The following TRIM5 variants were observed in gnomAD, a reference collection of about 807,000 sequenced individuals.
TRIM5 encodes tripartite motif-containing protein 5.
A neutral mutation model predicts 35.6 loss-of-function variants in TRIM5; 31 were observed. That is an observed-to-expected ratio of 0.87 (90% CI 0.65 to 1.18). The LOEUF is 1.18. TRIM5 is among the 50% of genes most tolerant of loss of function. The pLI, the probability that TRIM5 is intolerant of heterozygous loss-of-function variation, is 0.00. For missense variants in TRIM5, 609 were observed against 591.6 expected, an observed-to-expected ratio of 1.03 and a Z score of -0.31; for synonymous variants, 243 against 215.6, an observed-to-expected ratio of 1.13 and a Z score of -1.11.
chr11:5,634,082 AC>A, the TRIM5 span, among the ~76,000 whole-genome samples: 1 of 152,218 alleles, frequency 6.6e-6, no homozygotes, highest in Non-Finnish European at 1.5e-5. Flanking sequence ...AATTACACAT[AC>A]ATACCTGGAA....
the TRIM5 span, chr11:5,604,867 C>T: frequency 4.2e-6 from 2 of 474,558 alleles, no homozygotes; most frequent in Non-Finnish European, 7.4e-6. Flanking sequence ...GGCTAGGGGT[C>T]GCCCCAATTC....
the TRIM5 span, among the ~76,000 whole-genome samples, chr11:5,650,127 C>A: frequency 6.6e-6 from 1 of 152,122 alleles, no homozygotes; most frequent in Non-Finnish European, 1.5e-5. Context: ...CTTGGAGAAA[C>A]GTTGTGTGTA....
At chr11:5,611,514 C>T in the TRIM5 span, 13 of 618,052 alleles carry the variant, frequency 2.1e-5, no homozygotes, top group East Asian at 8.5e-5. Context: ...AGTGCACTGG[C>T]GCAATCTCGG....
chr11:5,596,365 G>A, the TRIM5 span, among the ~76,000 whole-genome samples: 2 of 152,162 alleles, frequency 1.3e-5, no homozygotes, highest in Non-Finnish European at 2.9e-5. Context: ...TTGCAGCTGG[G>A]AATAGGCCGT....
intron 4 of TRIM5, among the ~76,000 whole-genome samples, chr11:5,675,162 G>A (rs996654709): frequency 6.6e-6 from 1 of 151,734 alleles, no homozygotes; most frequent in Admixed American, 6.6e-5. Context: ...CCAAGTAGCT[G>A]GGATTACAGG....
chr11:5,588,645 C>T, the TRIM5 span, among the ~76,000 whole-genome samples: 932 of 137,362 alleles, frequency 6.8e-3, 5 homozygotes, highest in African/African-American at 0.024. Context: ...TTTCTTTATA[C>T]TAATTTTATT....
In TRIM5 at chr11:5,679,807, C is replaced by A; in HGVS notation, c.371G>T (p.Arg124Leu). Residue 124 changes from arginine to leucine, a missense_variant, in exon 2 of 8, where the codon CGT becomes CTT. Coordinates refer to ENST00000380034, the MANE Select transcript of TRIM5 (RefSeq NM_033034.3). ...CTCTGTGAGGAACGTGTGGTGACCA[C>A]GGTGCTCCTGAGACCGCTCACAAAG... ...CWLCERSQEHRGHHTFLTEEV... is the reference protein window; with the variant it reads ...CWLCERSQEHLGHHTFLTEEV... 1 of 1,611,314 alleles carries A rather than the reference C, an allele frequency of 6.2e-7. No homozygotes were observed. Among genetic ancestry groups the A allele is most frequent in the Non-Finnish European group, 8.5e-7 (1 of 1,178,586 alleles).
the TRIM5 span, among the ~76,000 whole-genome samples, chr11:5,608,621 A>G: frequency 6.6e-6 from 1 of 151,990 alleles, no homozygotes; most frequent in African/African-American, 2.4e-5. Context: ...CAGTACTGTT[A>G]TTTAGAATAA....
chr11:5,641,242 A>G, the TRIM5 span: 1 of 1,612,830 alleles, frequency 6.2e-7, no homozygotes, highest in Non-Finnish European at 8.5e-7. Context: ...AAGTGTTTGT[A>G]GCTATTAGAG....
At chr11:5,650,394 G>A in the TRIM5 span, among the ~76,000 whole-genome samples, 1,091 of 152,284 alleles carry the variant, frequency 7.2e-3, 9 homozygotes, top group African/African-American at 0.025. Flanking sequence ...TTTCCTTCAA[G>A]GGGTACTTCA....
the TRIM5 span, among the ~76,000 whole-genome samples, chr11:5,594,131 T>C: frequency 3.3e-4 from 51 of 152,278 alleles, no homozygotes; most frequent in Non-Finnish European, 6.3e-4. Context: ...TAAATTTATA[T>C]CTAACTTTTC....
the TRIM5 span, among the ~76,000 whole-genome samples, chr11:5,651,903 G>C: frequency 6.6e-6 from 1 of 152,214 alleles, no homozygotes; most frequent in African/African-American, 2.4e-5. Flanking sequence ...TAGTGATGTT[G>C]AGCATTTTTT....
At chr11:5,629,226 G>C in the TRIM5 span, among the ~76,000 whole-genome samples, 1 of 152,022 alleles carries the variant, frequency 6.6e-6, no homozygotes, top group East Asian at 1.9e-4. Flanking sequence ...GCAGTGAGCT[G>C]AGATTGTACC....
At chr11:5,678,774 G>A (rs867917443) in intron 3 of TRIM5, among the ~76,000 whole-genome samples, 1 of 152,124 alleles carries the variant, frequency 6.6e-6, no homozygotes, top group Non-Finnish European at 1.5e-5. Flanking sequence ...ACAGAATCAT[G>A]AGCCATTGCC....
chr11:5,591,965 G>A, the TRIM5 span, among the ~76,000 whole-genome samples: 1 of 152,164 alleles, frequency 6.6e-6, no homozygotes, highest in Admixed American at 6.5e-5. Flanking sequence ...TGAGTCCGCT[G>A]AGGTTATAAC....
At chr11:5,619,785 C>T in the TRIM5 span, 6 of 129,058 alleles carry the variant, frequency 4.6e-5, no homozygotes, top group East Asian at 2.4e-4. Context: ...TCACTGCAAC[C>T]TCTGTCTCCT....
At chr11:5,649,705 G>C in the TRIM5 span, among the ~76,000 whole-genome samples, 1 of 152,180 alleles carries the variant, frequency 6.6e-6, no homozygotes, top group African/African-American at 2.4e-5. Flanking sequence ...AGAGCGTAAT[G>C]TTGCAGAAGT....
At chr11:5,665,472 C>A in intron 7 of TRIM5, 77 bp from the exon 8 acceptor site, 1 of 1,542,754 alleles carries the variant, frequency 6.5e-7, no homozygotes, top group Non-Finnish European at 8.7e-7. Context: ...TTGATAAAGA[C>A]TTGAGAGAAA....
the TRIM5 span, among the ~76,000 whole-genome samples, chr11:5,627,395 G>A: frequency 6.6e-6 from 1 of 151,924 alleles, no homozygotes; most frequent in Non-Finnish European, 1.5e-5. Context: ...AAAAAGGAAG[G>A]GCAATGATAG....
Sources: allele counts gnomAD v4.1 joint callset (sites outside exome capture counted in the v4.1 genomes callset), GRCh38; gene constraint gnomAD v4.1.1; transcripts MANE v1.5; gene names NCBI Gene and HGNC (gene_info 2026-07-23, HGNC 2026-07-21).